Variants in XYLB observed in about 807,000 individuals in gnomAD.
The protein encoded by XYLB is xylulokinase.
In XYLB, 62 loss-of-function variants were observed where a neutral mutation model predicts 78.7. That is an observed-to-expected ratio of 0.79 (90% CI 0.64 to 0.97). The LOEUF (loss-of-function observed/expected upper bound fraction) is 0.97. XYLB is among the 50% of genes least tolerant of loss of function. XYLB has a pLI of 0.00. For missense variants in XYLB, 687 were observed against 676.8 expected, an observed-to-expected ratio of 1.02 and a Z score of -0.17; for synonymous variants, 245 against 247.4, an observed-to-expected ratio of 0.99 and a Z score of 0.09.
At chr3:38,397,205 A>G (rs777855375) in intron 17 of XYLB, 46 bp downstream of exon 17, 7 of 1,586,770 alleles carry the variant, frequency 4.4e-6, no homozygotes, top group Non-Finnish European at 5.2e-6. Context: ...TGGCCAGGAC[A>G]TGGGGTGGGC....
downstream of XYLB, among the ~76,000 whole-genome samples, chr3:38,425,614 A>G (rs541066112): frequency 2.6e-5 from 4 of 152,372 alleles, no homozygotes; most frequent in East Asian, 7.7e-4. Context: ...TTGTGGAGAG[A>G]TCCAATAACA....
At chr3:38,372,486 A>G (rs867370604) in intron 9 of XYLB, 169 bp from the exon 10 acceptor site, 3 of 985,414 alleles carry the variant, frequency 3.0e-6, no homozygotes, top group Non-Finnish European at 3.6e-6. Context: ...CAGGAGGGAC[A>G]TGCCCAGTTT....
chr3:38,367,701 A>G (rs1391482688), intron 7 of XYLB, among the ~76,000 whole-genome samples: 1 of 152,170 alleles, frequency 6.6e-6, no homozygotes, highest in East Asian at 1.9e-4. Flanking sequence ...TTGAAAATCC[A>G]TCATCTATTT....
intron 2 of XYLB, among the ~76,000 whole-genome samples, chr3:38,355,073 C>T (rs948341677): frequency 4.6e-5 from 7 of 152,228 alleles, no homozygotes; most frequent in African/African-American, 1.2e-4. Context: ...ATCAAGGAGT[C>T]GTTTCCCTAC....
chr3:38,450,280 T>C, the XYLB span, among the ~76,000 whole-genome samples: 1 of 152,248 alleles, frequency 6.6e-6, no homozygotes, highest in Admixed American at 6.5e-5. Flanking sequence ...CTGTGGTTAC[T>C]TTCAAAGTTT....
intron 6 of XYLB, 61 bp from the exon 7 acceptor site, chr3:38,366,747 G>A (rs1182526172): frequency 5.2e-6 from 6 of 1,163,206 alleles, no homozygotes; most frequent in Non-Finnish European, 7.8e-6. Context: ...CTCACTTTGT[G>A]GAGGTAATTG....
At chr3:38,352,462 A>G (rs1705417226) in intron 2 of XYLB, among the ~76,000 whole-genome samples, 1 of 152,232 alleles carries the variant, frequency 6.6e-6, no homozygotes, top group South Asian at 2.1e-4. Context: ...TTTCTCTTGT[A>G]TGAAAGGAGG....
intron 18 of XYLB, among the ~76,000 whole-genome samples, chr3:38,411,355 G>A (rs1000844499): frequency 6.6e-6 from 1 of 151,532 alleles, no homozygotes; most frequent in Non-Finnish European, 1.5e-5. Context: ...ACAGGAAGGG[G>A]AACATCACAC....
At chr3:38,407,680 T>C (rs1322786179) in intron 18 of XYLB, among the ~76,000 whole-genome samples, 1 of 151,918 alleles carries the variant, frequency 6.6e-6, no homozygotes, top group Non-Finnish European at 1.5e-5. Flanking sequence ...AATAAAAGGA[T>C]GGAGGAAGAT....
chr3:38,432,919 G>A, the XYLB span, among the ~76,000 whole-genome samples: 1 of 152,208 alleles, frequency 6.6e-6, no homozygotes, highest in Non-Finnish European at 1.5e-5. Context: ...GGGGTCTGGA[G>A]GATGGTGGCC....
chr3:38,384,874 C>T (rs879930057), intron 15 of XYLB, among the ~76,000 whole-genome samples: 6 of 152,182 alleles, frequency 3.9e-5, no homozygotes, highest in Non-Finnish European at 7.3e-5. Flanking sequence ...TATTCTGAGA[C>T]TTGCTTTCCA....
chr3:38,376,167 C>T lies in XYLB; in HGVS notation c.1055C>T (p.Ser352Phe), dbSNP rs367774221. 3.7e-6 allele frequency: 6 copies of T among 1,614,056 alleles called. No individual in the cohort carries two copies. In the African/African-American group the frequency reaches 8.0e-5, roughly 22 times the overall value. The change falls in exon 13 of 19, where the codon TCC becomes TTC. Residue 352 changes from serine to phenylalanine, a missense_variant. Ser to Phe is a radical substitution (Grantham distance 155, BLOSUM62 -2). Transcript: ENST00000207870. Reference sequence around the variant, plus strand: ...GAGAAGATCCGCAACGAGTCTGTATCCCGTTCCTGGAGCGATTTCTCTAAG... The same window carrying T: ...GAGAAGATCCGCAACGAGTCTGTATTCCGTTCCTGGAGCGATTTCTCTAAG... ...MREKIRNESVSRSWSDFSKAL... is the reference protein window; with the variant it reads ...MREKIRNESVFRSWSDFSKAL...
At chr3:38,354,752 C>A (rs1030138006) in intron 2 of XYLB, among the ~76,000 whole-genome samples, 1 of 152,194 alleles carries the variant, frequency 6.6e-6, no homozygotes, top group South Asian at 2.1e-4. Flanking sequence ...GATCCACCCA[C>A]CTCGGCCTCC....
In XYLB at chr3:38,346,903, G is replaced by T; in HGVS notation, c.35G>T (p.Gly12Val). The T allele has an allele frequency of 2.0e-6, 3 of 1,518,080 alleles. No individual in the cohort carries two copies. Among genetic ancestry groups the T allele is most frequent in the Non-Finnish European group, 2.6e-6 (3 of 1,135,710 alleles). 94.0% of individuals were successfully genotyped at this position (1,518,080 alleles called of 1,614,324 possible). Residue 12 changes from glycine to valine, a missense_variant, in exon 1 of 19, where the codon GGC (glycine) becomes GTC (valine). Gly to Val is a moderately radical substitution (Grantham distance 109). Transcript: ENST00000207870. ...AEHAPRRCCL[G>V]WDFSTQQVKV... ...CACGCCCCTCGCCGCTGCTGCCTGG[G>T]CTGGGACTTCAGCACGCAGCAGGTA...
rs558096040 is a variant in XYLB, at chr3:38,370,829, T to C, written c.765+655T>C. 6.6e-5 allele frequency among the ~76,000 whole-genome samples: 10 copies of C among 152,182 alleles called. No individual in the cohort carries two copies. The South Asian group carries it at 2.1e-3, about 32-fold the overall frequency. ...GACACTGGCTGTGAATGCCCTGGGGTGTTCTACTTGGCCAGCCCTGTTCTC... is the reference window on the plus strand; with the variant it reads ...GACACTGGCTGTGAATGCCCTGGGGCGTTCTACTTGGCCAGCCCTGTTCTC... On this transcript the variant is annotated intron_variant, in intron 9 of 18. Transcript: ENST00000207870.
the XYLB span, among the ~76,000 whole-genome samples, chr3:38,431,948 C>G: frequency 6.6e-6 from 1 of 151,844 alleles, no homozygotes; most frequent in Non-Finnish European, 1.5e-5. Flanking sequence ...TGTTATAATT[C>G]AAGATTGAAA....
chr3:38,374,521 C>T lies in XYLB; in HGVS notation c.888+19C>T. 1 of 1,613,556 alleles carries T rather than the reference C, an allele frequency of 6.2e-7. No individual in the cohort carries two copies. The highest frequency in any genetic ancestry group is 2.2e-5 in the East Asian group (1 of 44,772). On this transcript the variant is annotated intron_variant, in intron 11 of 18. Coordinates refer to ENST00000207870, the MANE Select transcript of XYLB (RefSeq NM_005108.4). ...CATTGCGGTAAGGCGACTTCCCACA[C>T]CCATAGGCTCTTTCTGTTTCCACAC...
At chr3:38,409,519 G>A (rs1708483414) in intron 18 of XYLB, among the ~76,000 whole-genome samples, 1 of 152,138 alleles carries the variant, frequency 6.6e-6, no homozygotes. Context: ...TCAACGTAGT[G>A]TTGGAAGTTC....
intron 18 of XYLB, among the ~76,000 whole-genome samples, chr3:38,410,367 T>C (rs938954352): frequency 6.6e-5 from 10 of 152,174 alleles, no homozygotes; most frequent in Non-Finnish European, 1.5e-4. Context: ...TCCTTACACC[T>C]TATACAAAAA....
Sources: gnomAD v4.1 joint callset for allele counts (sites outside exome capture counted in the v4.1 genomes callset) on GRCh38, gnomAD v4.1.1 for gene constraint, MANE v1.5 for transcripts, NCBI Gene and HGNC (gene_info 2026-07-23, HGNC 2026-07-21) for gene names.